Variants in ZNF827 observed in about 807,000 individuals in gnomAD.
The protein encoded by ZNF827 is zinc finger protein 827.
Under a neutral mutation model 102.4 loss-of-function variants are expected in ZNF827, and 13 were observed. That is an observed-to-expected ratio of 0.13 (90% CI 0.08 to 0.20). The LOEUF is 0.20. Among genes scored for constraint, ZNF827 ranks in the 10% least tolerant of loss-of-function variants. The pLI is 1.00. For missense variants in ZNF827, 1,103 were observed against 1,344.4 expected (o/e 0.82, Z 2.81); for synonymous variants, 523 against 536.2 (o/e 0.98, Z 0.34).
intron 6 of ZNF827, among the ~76,000 whole-genome samples, chr4:145,846,989 AC>A (rs1746037446): frequency 6.7e-6 from 1 of 148,650 alleles, no homozygotes; most frequent in Non-Finnish European, 1.5e-5. Context: ...ACCCGTCTCT[AC>A]TAAAAATACA....
rs927025511 is a variant in ZNF827 at position 145,836,356 on chromosome 4, G to A, written c.2279+9600C>T. ...TGTAGCCTTTCTGGCCAAACAACTT[G>A]ACCTTACTGTTTTAGCCTAGCCCTC... On this transcript the variant is annotated intron_variant, in intron 7 of 14. Coordinates refer to ENST00000508784, the MANE Select transcript of ZNF827 (RefSeq NM_001306215.2). 4.6e-5 allele frequency among the ~76,000 whole-genome samples: 7 copies of A among 152,238 alleles called. No homozygotes were observed. The East Asian group carries it at 1.4e-3, about 29-fold the overall frequency.
At chr4:145,764,469 C>T (rs1424867125) in intron 13 of ZNF827, among the ~76,000 whole-genome samples, 3 of 152,166 alleles carry the variant, frequency 2.0e-5, no homozygotes, top group Admixed American at 1.3e-4. Context: ...AAGAAGACAT[C>T]AGTATGTTTG....
Position 145,784,494 on chromosome 4 carries a change from T to C in ZNF827, c.2384-4983A>G, listed in dbSNP as rs1029913437. Among the ~76,000 whole-genome samples, 4 of 152,208 alleles carry C rather than the reference T, an allele frequency of 2.6e-5. No homozygotes were observed. The East Asian group carries it at 5.8e-4, about 22-fold the overall frequency. ...CCCCCATCCTGTGAAGAACTCTCCA[T>C]ATTCATTATCAACAGCAACAAGTGT... On this transcript the variant is annotated intron_variant, in intron 8 of 14. Coordinates refer to ENST00000508784, the MANE Select transcript of ZNF827 (RefSeq NM_001306215.2).
intron 8 of ZNF827, among the ~76,000 whole-genome samples, chr4:145,807,679 C>T (rs542655583): frequency 3.3e-5 from 5 of 151,716 alleles, no homozygotes; most frequent in East Asian, 1.9e-4. Flanking sequence ...ACCATCTTGG[C>T]CAGGCTGGTC....
intron 8 of ZNF827, among the ~76,000 whole-genome samples, chr4:145,786,150 A>G (rs934387970): frequency 3.3e-5 from 5 of 152,218 alleles, no homozygotes; most frequent in Admixed American, 6.5e-5. Context: ...CAAAACCTCA[A>G]AAAACAACAG....
intron 7 of ZNF827, among the ~76,000 whole-genome samples, chr4:145,838,242 T>C (rs1372909837): frequency 2.0e-5 from 3 of 152,186 alleles, no homozygotes; most frequent in Non-Finnish European, 4.4e-5. Flanking sequence ...GACATTACCT[T>C]GTGAAAGTCC....
At chr4:145,931,102 C>T (rs920414787) in intron 1 of ZNF827, among the ~76,000 whole-genome samples, 1 of 152,122 alleles carries the variant, frequency 6.6e-6, no homozygotes, top group Admixed American at 6.5e-5. Context: ...AGAGAGAGGA[C>T]AGAAATACAA....
intron 11 of ZNF827, among the ~76,000 whole-genome samples, chr4:145,768,001 A>G (rs778321664): frequency 5.9e-5 from 9 of 152,364 alleles, no homozygotes; most frequent in Non-Finnish European, 1.3e-4. Flanking sequence ...AACATTGTTT[A>G]AACAAAAATA....
chr4:145,912,968 G>T lies in ZNF827; in HGVS notation c.44-9753C>A, dbSNP rs1458843617. Among the ~76,000 whole-genome samples, 3 of 152,156 alleles carry T rather than the reference G, an allele frequency of 2.0e-5. No individual in the cohort carries two copies. In the East Asian group the frequency reaches 5.8e-4, roughly 29 times the overall value. On this transcript the variant is annotated intron_variant, in intron 1 of 14. Coordinates refer to ENST00000508784, the MANE Select transcript of ZNF827 (RefSeq NM_001306215.2). ...GTTCACCTCTGGATTCTCAACTATA[G>T]CCTCAGTTTGTAATGTAGTTTTTGT...
chr4:145,764,917 G>T, intron 13 of ZNF827, 71 bp downstream of exon 13: 6 of 1,604,810 alleles, frequency 3.7e-6, no homozygotes, highest in Non-Finnish European at 5.1e-6. Context: ...TCACGGGAAG[G>T]GACGGGGTAG....
chr4:145,846,424 G>A (rs1298910299), intron 6 of ZNF827, among the ~76,000 whole-genome samples: 2 of 151,694 alleles, frequency 1.3e-5, no homozygotes, highest in Non-Finnish European at 1.5e-5. Context: ...CTTGCAGCGA[G>A]CCGAGATCGC....
Position 145,774,621 on chromosome 4 carries a change from G to A in ZNF827, c.2745C>T (p.His915=). ...GCTCCTTGTCCACGTGGAGTGACAT[G>A]TGGCTGACAAACTGGACATTGAGCT... ...ETELNVQFVS[H]MSLHVDKEQW... Residue 915 remains histidine, a synonymous_variant, in exon 11 of 15, where the codon CAC becomes CAT. Coordinates refer to ENST00000508784, the MANE Select transcript of ZNF827 (RefSeq NM_001306215.2). The A allele has an allele frequency of 6.2e-7, 1 of 1,613,922 alleles. No individual in the cohort carries two copies. The highest frequency in any genetic ancestry group is 8.5e-7 in the Non-Finnish European group (1 of 1,179,982).
At chr4:145,812,183 C>T (rs973421590) in intron 8 of ZNF827, among the ~76,000 whole-genome samples, 1 of 151,980 alleles carries the variant, frequency 6.6e-6, no homozygotes, top group Non-Finnish European at 1.5e-5. Context: ...GCCTTGGCCT[C>T]CCAAAGTACT....
intron 8 of ZNF827, among the ~76,000 whole-genome samples, chr4:145,805,594 G>A (rs899230562): frequency 1.6e-4 from 24 of 152,096 alleles, no homozygotes; most frequent in Admixed American, 1.5e-3. Flanking sequence ...GCCTTTCAGA[G>A]GACATTATTT....
chr4:145,887,120 T>C (rs1750180424), intron 3 of ZNF827, among the ~76,000 whole-genome samples: 1 of 152,210 alleles, frequency 6.6e-6, no homozygotes, highest in African/African-American at 2.4e-5. Context: ...GAACTGCCAA[T>C]TGTGTAGATG....
chr4:145,882,983 C>CA (rs1263796463), intron 4 of ZNF827, among the ~76,000 whole-genome samples: 1 of 151,832 alleles, frequency 6.6e-6, no homozygotes, highest in Admixed American at 6.5e-5. Context: ...ATCATATCCA[C>CA]AGACACAGCC....
chr4:145,856,156 G>A (rs1415569953), intron 5 of ZNF827, among the ~76,000 whole-genome samples: 3 of 151,908 alleles, frequency 2.0e-5, no homozygotes, highest in Non-Finnish European at 2.9e-5. Context: ...CACCATGCAC[G>A]GCTAATTTTT....
At chr4:145,813,278 C>G (rs1473165737) in intron 8 of ZNF827, among the ~76,000 whole-genome samples, 1 of 152,110 alleles carries the variant, frequency 6.6e-6, no homozygotes, top group Non-Finnish European at 1.5e-5. Flanking sequence ...CACATCAGCA[C>G]GGGAAGAGTG....
chr4:145,917,463 C>A (rs1752740036), intron 1 of ZNF827, among the ~76,000 whole-genome samples: 2 of 151,910 alleles, frequency 1.3e-5, no homozygotes, highest in Non-Finnish European at 1.5e-5. Flanking sequence ...CAAACCCACT[C>A]CCATGATAAT....
Sources: gnomAD v4.1 joint callset for allele counts (sites outside exome capture counted in the v4.1 genomes callset) on GRCh38, gnomAD v4.1.1 for gene constraint, MANE v1.5 for transcripts, NCBI Gene and HGNC (gene_info 2026-07-23, HGNC 2026-07-21) for gene names.